The following ST6GALNAC5 variants were observed in gnomAD, a reference collection of about 807,000 sequenced individuals.
ST6GALNAC5 encodes ST6 N-acetylgalactosaminide alpha-2,6-sialyltransferase 5, also known as alpha-N-acetylgalactosaminide alpha-2,6-sialyltransferase 5.
ST6GALNAC5 carries 27 observed loss-of-function variants against 33.6 expected under a neutral mutation model. The ratio of observed to expected loss-of-function variants is 0.80; its 90% CI spans 0.59 to 1.11. ST6GALNAC5 has a LOEUF of 1.11. Ranked by LOEUF, ST6GALNAC5 falls within the 50% of genes least tolerant of loss-of-function variation. The pLI is 0.00. For missense variants in ST6GALNAC5, 428 were observed against 454.0 expected, an observed-to-expected ratio of 0.94 and a Z score of 0.52; for synonymous variants, 194 against 171.2, an observed-to-expected ratio of 1.13 and a Z score of -1.04.
At chr1:76,912,450 G>A (rs1479029760) in intron 2 of ST6GALNAC5, among the ~76,000 whole-genome samples, 1 of 152,030 alleles carries the variant, frequency 6.6e-6, no homozygotes, top group Non-Finnish European at 1.5e-5. Flanking sequence ...TCTGCTTGGT[G>A]CAGAGCTGAG....
intron 2 of ST6GALNAC5, among the ~76,000 whole-genome samples, chr1:76,878,667 G>A (rs1015681139): frequency 8.5e-5 from 13 of 152,158 alleles, no homozygotes; most frequent in African/African-American, 1.9e-4. Context: ...CATTCAAGGC[G>A]TTCTGGGTCT....
chr1:76,941,710 T>C (rs1647342183), intron 2 of ST6GALNAC5, among the ~76,000 whole-genome samples: 1 of 152,002 alleles, frequency 6.6e-6, no homozygotes, highest in African/African-American at 2.4e-5. Context: ...CACAAGCCAG[T>C]TATGCCTGGG....
intron 2 of ST6GALNAC5, among the ~76,000 whole-genome samples, chr1:76,885,996 A>G (rs989916667): frequency 1.3e-5 from 2 of 152,210 alleles, no homozygotes; most frequent in Non-Finnish European, 2.9e-5. Context: ...CGCCATCTTC[A>G]TGGGCAGTGG....
chr1:76,948,560 A>C (rs1647614498), intron 2 of ST6GALNAC5, among the ~76,000 whole-genome samples: 1 of 149,136 alleles, frequency 6.7e-6, no homozygotes, highest in Non-Finnish European at 1.5e-5. Flanking sequence ...TCAAGTGGGG[A>C]GAGAGAGAGA....
chr1:77,039,206 C>T (rs1570125455), intron 2 of ST6GALNAC5, among the ~76,000 whole-genome samples: 1 of 152,334 alleles, frequency 6.6e-6, no homozygotes, highest in East Asian at 1.9e-4. Flanking sequence ...AACAGTCACT[C>T]TTCCATGTGC....
chr1:76,987,479 A>G (rs1392124636), intron 2 of ST6GALNAC5, among the ~76,000 whole-genome samples: 2 of 152,186 alleles, frequency 1.3e-5, no homozygotes, highest in Non-Finnish European at 2.9e-5. Flanking sequence ...GAACCCTCAT[A>G]CGTTGCTGGT....
intron 2 of ST6GALNAC5, among the ~76,000 whole-genome samples, chr1:76,995,028 G>A (rs546031909): frequency 6.6e-6 from 1 of 152,202 alleles, no homozygotes; most frequent in South Asian, 2.1e-4. Flanking sequence ...ACCTTCCATT[G>A]GTATAGATCA....
Position 76,885,707 on chromosome 1 carries a change from T to C in ST6GALNAC5, c.261+16965T>C, listed in dbSNP as rs561715312. ...TCCATTTACTAATCCAGAAGATATA[T>C]TCATCCCTCTAGTAGCTTAAAAACC... On this transcript the variant is annotated intron_variant, in intron 2 of 4. Coordinates refer to ENST00000477717, the MANE Select transcript of ST6GALNAC5 (RefSeq NM_030965.3). Among the ~76,000 whole-genome samples the C allele has an allele frequency of 5.9e-5, 9 of 152,342 alleles. No individual in the cohort carries two copies. The East Asian group carries it at 1.5e-3, about 26-fold the overall frequency.
rs1036498898 is a variant in ST6GALNAC5 at position 76,890,837 on chromosome 1, T to G, written c.261+22095T>G. The stretch of plus-strand genomic sequence containing the variant: ...GAATTTAAGATTTTTTTCATATACA[T>G]TTTTACATAAATGAGATTACACTAC... On this transcript the variant is annotated intron_variant, in intron 2 of 4. Coordinates refer to ENST00000477717, the MANE Select transcript of ST6GALNAC5 (RefSeq NM_030965.3). Among the ~76,000 whole-genome samples, 13 of 152,098 alleles carry G rather than the reference T, an allele frequency of 8.5e-5. 1 individual carries two copies. Among genetic ancestry groups the G allele is most frequent in the Non-Finnish European group, 1.9e-4 (13 of 67,980 alleles).
At chr1:76,884,939 A>T (rs952459493) in intron 2 of ST6GALNAC5, among the ~76,000 whole-genome samples, 1 of 152,182 alleles carries the variant, frequency 6.6e-6, no homozygotes, top group African/African-American at 2.4e-5. Context: ...TCCCTCTATG[A>T]TGAGCAAGAT....
At chr1:76,883,338 G>T (rs996176888) in intron 2 of ST6GALNAC5, among the ~76,000 whole-genome samples, 3 of 152,054 alleles carry the variant, frequency 2.0e-5, no homozygotes, top group African/African-American at 7.2e-5. Flanking sequence ...AACTTATCTT[G>T]GTATCCACAG....
At chr1:76,948,076 C>G (rs1219571041) in intron 2 of ST6GALNAC5, among the ~76,000 whole-genome samples, 1 of 152,088 alleles carries the variant, frequency 6.6e-6, no homozygotes, top group Non-Finnish European at 1.5e-5. Context: ...CACTCAAAGT[C>G]CAAAATGAAT....
intron 2 of ST6GALNAC5, among the ~76,000 whole-genome samples, chr1:77,019,672 T>C (rs559801696): frequency 6.6e-6 from 1 of 152,206 alleles, no homozygotes; most frequent in African/African-American, 2.4e-5. Flanking sequence ...CATGCTGATA[T>C]GAGTAGCAGA....
At chr1:76,958,935 T>C (rs1648114983) in intron 2 of ST6GALNAC5, among the ~76,000 whole-genome samples, 2 of 152,128 alleles carry the variant, frequency 1.3e-5, no homozygotes, top group South Asian at 4.1e-4. Context: ...CTCTCAGGTG[T>C]GACATTTTCT....
chr1:76,940,290 T>C (rs961234220), intron 2 of ST6GALNAC5, among the ~76,000 whole-genome samples: 1 of 152,080 alleles, frequency 6.6e-6, no homozygotes, highest in African/African-American at 2.4e-5. Context: ...AAGTGTTCAA[T>C]AAATGTTTAT....
chr1:76,987,960 T>C (rs1649577522), intron 2 of ST6GALNAC5, among the ~76,000 whole-genome samples: 1 of 152,178 alleles, frequency 6.6e-6, no homozygotes, highest in Admixed American at 6.6e-5. Context: ...GTCCCTCAAA[T>C]ATGTTTTCCA....
intron 2 of ST6GALNAC5, among the ~76,000 whole-genome samples, chr1:76,910,753 T>A (rs973288953): frequency 3.3e-5 from 5 of 152,010 alleles, no homozygotes; most frequent in African/African-American, 1.2e-4. Flanking sequence ...TTGGAGGTAT[T>A]TATGTTGATG....
chr1:76,936,585 CAT>C (rs767021726), intron 2 of ST6GALNAC5, among the ~76,000 whole-genome samples: 1 of 152,074 alleles, frequency 6.6e-6, no homozygotes, highest in Non-Finnish European at 1.5e-5. Context: ...ATTTTATACA[CAT>C]GTGCTATTGA....
chr1:76,889,969 C>A (rs187735766), intron 2 of ST6GALNAC5, among the ~76,000 whole-genome samples: 1 of 151,980 alleles, frequency 6.6e-6, no homozygotes, highest in East Asian at 1.9e-4. Flanking sequence ...AGTTTTTGTG[C>A]TGATTTTGTT....
Sources: gnomAD v4.1 joint callset for allele counts (sites outside exome capture counted in the v4.1 genomes callset) on GRCh38, gnomAD v4.1.1 for gene constraint, MANE v1.5 for transcripts, NCBI Gene and HGNC (gene_info 2026-07-23, HGNC 2026-07-21) for gene names.